Variants in CAMKMT observed in about 807,000 individuals in gnomAD.
CAMKMT encodes calmodulin-lysine N-methyltransferase.
In CAMKMT, 53 loss-of-function variants were observed where a neutral mutation model predicts 48.0. The observed-to-expected ratio is 1.10, with a 90% CI of 0.89 to 1.39. CAMKMT has a LOEUF of 1.39. Ranked by LOEUF, CAMKMT falls within the 40% of genes most tolerant of loss-of-function variation. The pLI, the probability that CAMKMT is intolerant of heterozygous loss-of-function variation, is 0.00. For synonymous variants in CAMKMT, 165 were observed against 152.3 expected (o/e 1.08, Z -0.61); for missense variants, 428 against 402.7 (o/e 1.06, Z -0.54).
chr2:44,658,569 C>T (rs1487459255), intron 3 of CAMKMT, among the ~76,000 whole-genome samples: 3 of 152,178 alleles, frequency 2.0e-5, no homozygotes, highest in Non-Finnish European at 4.4e-5. Context: ...TGGAGTCAGA[C>T]AGACTCCAGT....
intron 3 of CAMKMT, among the ~76,000 whole-genome samples, chr2:44,489,508 A>G (rs1572635125): frequency 6.6e-6 from 1 of 152,208 alleles, no homozygotes; most frequent in Non-Finnish European, 1.5e-5. Context: ...GGCCTCCCAA[A>G]GTGCCGGGAT....
chr2:44,598,885 A>T (rs1670823883), intron 3 of CAMKMT, among the ~76,000 whole-genome samples: 1 of 151,636 alleles, frequency 6.6e-6, no homozygotes, highest in Non-Finnish European at 1.5e-5. Context: ...CCTCATATTT[A>T]CAAGTTGCTA....
At chr2:44,612,385 CA>C (rs1671648659) in intron 3 of CAMKMT, among the ~76,000 whole-genome samples, 1 of 152,138 alleles carries the variant, frequency 6.6e-6, no homozygotes, top group Non-Finnish European at 1.5e-5. Flanking sequence ...CACTCATCAC[CA>C]TAGCTTTAGT....
chr2:44,478,532 G>A (rs985426173), intron 3 of CAMKMT, among the ~76,000 whole-genome samples: 1 of 151,870 alleles, frequency 6.6e-6, no homozygotes, highest in South Asian at 2.1e-4. Context: ...TTCTGCCCTT[G>A]GTTATAACAC....
At chr2:44,539,357 A>T (rs899636741) in intron 3 of CAMKMT, among the ~76,000 whole-genome samples, 4 of 151,240 alleles carry the variant, frequency 2.6e-5, no homozygotes, top group Non-Finnish European at 4.4e-5. Flanking sequence ...TAATCTGTCT[A>T]TATTGTTTTT....
chr2:44,522,999 C>G (rs1343120595), intron 3 of CAMKMT, among the ~76,000 whole-genome samples: 2 of 152,124 alleles, frequency 1.3e-5, no homozygotes, highest in Admixed American at 6.6e-5. Flanking sequence ...CCAGTAACAT[C>G]TTTGTTACAT....
At chr2:44,483,290 A>G (rs1027468962) in intron 3 of CAMKMT, among the ~76,000 whole-genome samples, 5 of 152,172 alleles carry the variant, frequency 3.3e-5, no homozygotes, top group African/African-American at 1.2e-4. Flanking sequence ...TTTCAGAAAA[A>G]CAATGATGAG....
At chr2:44,491,663 GT>G (rs1023552774) in intron 3 of CAMKMT, among the ~76,000 whole-genome samples, 16 of 152,134 alleles carry the variant, frequency 1.1e-4, no homozygotes, top group African/African-American at 3.9e-4. Flanking sequence ...GCCCTGTCAG[GT>G]TATCACTTGT....
At chr2:44,584,093 T>G (rs1295964257) in intron 3 of CAMKMT, among the ~76,000 whole-genome samples, 4 of 152,242 alleles carry the variant, frequency 2.6e-5, no homozygotes, top group Non-Finnish European at 5.9e-5. Context: ...TTTTTCGAGT[T>G]TCAGATAAAT....
chr2:44,745,876 A>G (rs1323444003), intron 8 of CAMKMT, among the ~76,000 whole-genome samples: 1 of 152,246 alleles, frequency 6.6e-6, no homozygotes, highest in Non-Finnish European at 1.5e-5. Flanking sequence ...AGTGAAGCAC[A>G]GGATTCCACG....
chr2:44,714,278 A>T (rs753027983), intron 6 of CAMKMT, among the ~76,000 whole-genome samples: 36 of 152,182 alleles, frequency 2.4e-4, no homozygotes, highest in Non-Finnish European at 4.9e-4. Context: ...TGGAAGCAAC[A>T]TCCCTTGATC....
At chr2:44,599,900 G>A (rs1341919972) in intron 3 of CAMKMT, among the ~76,000 whole-genome samples, 1 of 151,644 alleles carries the variant, frequency 6.6e-6, no homozygotes, top group South Asian at 2.1e-4. Flanking sequence ...TTCCAATGTG[G>A]GAATTTTTAT....
At chr2:44,475,563 G>A (rs577483589) in intron 3 of CAMKMT, among the ~76,000 whole-genome samples, 17 of 152,096 alleles carry the variant, frequency 1.1e-4, no homozygotes, top group South Asian at 8.3e-4. Flanking sequence ...TGATCCGCCC[G>A]TCTTGGCTCC....
intron 3 of CAMKMT, among the ~76,000 whole-genome samples, chr2:44,421,714 A>G (rs1683946902): frequency 6.6e-6 from 1 of 152,184 alleles, no homozygotes; most frequent in Non-Finnish European, 1.5e-5. Context: ...TTCTTACTAA[A>G]TCAAAAACAG....
At chr2:44,521,703 A>G (rs921177812) in intron 3 of CAMKMT, among the ~76,000 whole-genome samples, 2 of 152,328 alleles carry the variant, frequency 1.3e-5, no homozygotes, top group Middle Eastern at 3.4e-3. Flanking sequence ...TGCAGATCCC[A>G]TGCTCTCAGC....
intron 3 of CAMKMT, among the ~76,000 whole-genome samples, chr2:44,595,899 C>T (rs534302271): frequency 2.0e-5 from 3 of 151,660 alleles, no homozygotes; most frequent in African/African-American, 7.3e-5. Flanking sequence ...AAACCAAACA[C>T]TGCATGTTCT....
chr2:44,722,196 AT>A (rs1678506502), intron 7 of CAMKMT, among the ~76,000 whole-genome samples: 2 of 67,524 alleles, frequency 3.0e-5, no homozygotes, highest in South Asian at 8.5e-4. Flanking sequence ...TTTTTTTTCT[AT>A]TCTGGATAAT....
intron 6 of CAMKMT, among the ~76,000 whole-genome samples, chr2:44,710,941 A>G (rs1677845223): frequency 6.6e-6 from 1 of 152,194 alleles, no homozygotes; most frequent in Non-Finnish European, 1.5e-5. Flanking sequence ...TCTTATCCCC[A>G]AAGTATGCAC....
intron 3 of CAMKMT, among the ~76,000 whole-genome samples, chr2:44,552,387 A>G (rs1542344): frequency 0.54 from 81,821 of 151,972 alleles, 23,941 homozygotes; most frequent in South Asian, 0.69. Flanking sequence ...TCATTTACCT[A>G]TCTAGTGCTT....
Sources: allele counts gnomAD v4.1 joint callset (sites outside exome capture counted in the v4.1 genomes callset), GRCh38; gene constraint gnomAD v4.1.1; transcripts MANE v1.5; gene names NCBI Gene and HGNC (gene_info 2026-07-23, HGNC 2026-07-21).